Variants in SHISA9 observed in about 807,000 individuals in gnomAD.
SHISA9 encodes shisa family member 9, also known as protein shisa-9.
A neutral mutation model predicts 38.0 loss-of-function variants in SHISA9; 13 were observed. That is an observed-to-expected ratio of 0.34 (90% confidence interval 0.22 to 0.54). The LOEUF (loss-of-function observed/expected upper bound fraction) is 0.54, where lower values mean the gene tolerates loss of function less well. SHISA9 is among the 20% of genes least tolerant of loss of function. The pLI, the probability that SHISA9 is intolerant of heterozygous loss-of-function variation, is 0.91. For missense variants in SHISA9, 538 were observed against 575.8 expected, an observed-to-expected ratio of 0.93 and a Z score of 0.67; for synonymous variants, 275 against 242.0, an observed-to-expected ratio of 1.14 and a Z score of -1.27.
chr16:12,943,757 C>T (rs1221199420), intron 2 of SHISA9, among the ~76,000 whole-genome samples: 1 of 152,070 alleles, frequency 6.6e-6, no homozygotes, highest in South Asian at 2.1e-4. Flanking sequence ...TTAGAAAACA[C>T]CCTGCCTCCA....
At chr16:13,002,533 C>CT (rs35810010) in intron 2 of SHISA9, among the ~76,000 whole-genome samples, 23,378 of 125,594 alleles carry the variant, frequency 0.19, 2,676 homozygotes, top group Middle Eastern at 0.25. Flanking sequence ...TGGTTCCTGT[C>CT]TTTTTTTTTT....
the SHISA9 span, among the ~76,000 whole-genome samples, chr16:13,304,434 A>G: frequency 6.6e-6 from 1 of 151,914 alleles, no homozygotes; most frequent in South Asian, 2.1e-4. Context: ...TAATTTTTGT[A>G]TTTTTTGTAG....
chr16:13,308,644 A>T, the SHISA9 span, among the ~76,000 whole-genome samples: 2 of 152,068 alleles, frequency 1.3e-5, no homozygotes, highest in Non-Finnish European at 2.9e-5. Context: ...ATGATGGGGG[A>T]CAAGGTGTGT....
At chr16:13,167,351 C>T (rs1347395983) in intron 2 of SHISA9, among the ~76,000 whole-genome samples, 1 of 152,140 alleles carries the variant, frequency 6.6e-6, no homozygotes, top group Admixed American at 6.5e-5. Context: ...GGATCACAGG[C>T]GTGAGCCAGT....
At chr16:13,278,717 T>A in the SHISA9 span, among the ~76,000 whole-genome samples, 2 of 152,104 alleles carry the variant, frequency 1.3e-5, no homozygotes, top group Non-Finnish European at 2.9e-5. Context: ...GTGTTCATAG[T>A]AGCTGCAAAT....
chr16:13,152,526 G>C (rs1003208654), intron 2 of SHISA9, among the ~76,000 whole-genome samples: 7 of 152,226 alleles, frequency 4.6e-5, no homozygotes, highest in African/African-American at 1.7e-4. Context: ...GGAAGTTTCA[G>C]AGTTCTGGAA....
the SHISA9 span, among the ~76,000 whole-genome samples, chr16:13,506,222 C>T: frequency 2.6e-5 from 4 of 152,068 alleles, no homozygotes; most frequent in African/African-American, 7.2e-5. Flanking sequence ...ATTCCTTCAC[C>T]CAGGCATTTA....
chr16:13,541,616 ATGAAATATCTGATTCTAAATAC>A, the SHISA9 span, among the ~76,000 whole-genome samples: 1 of 152,234 alleles, frequency 6.6e-6, no homozygotes, highest in Non-Finnish European at 1.5e-5. Context: ...GTTAAAACTC[ATGAAATATCTGATTCTAAATAC>A]TGCGTTGTTT....
At chr16:12,940,109 T>G (rs1354586316) in intron 2 of SHISA9, among the ~76,000 whole-genome samples, 1 of 152,166 alleles carries the variant, frequency 6.6e-6, no homozygotes, top group Non-Finnish European at 1.5e-5. Context: ...GAGGAGAGAA[T>G]TTTTGATTGG....
At chr16:13,300,116 G>A in the SHISA9 span, among the ~76,000 whole-genome samples, 1 of 152,084 alleles carries the variant, frequency 6.6e-6, no homozygotes. Flanking sequence ...CCAAGCAAAA[G>A]AAAGAATGAG....
chr16:12,907,896 C>T (rs2071124167), intron 1 of SHISA9, among the ~76,000 whole-genome samples: 1 of 152,168 alleles, frequency 6.6e-6, no homozygotes. Flanking sequence ...TCTCAGTCAC[C>T]ACCTCCACCC....
the SHISA9 span, among the ~76,000 whole-genome samples, chr16:13,556,562 C>T: frequency 2.0e-5 from 3 of 152,018 alleles, no homozygotes; most frequent in Admixed American, 6.5e-5. Context: ...ACTAGGGAGG[C>T]TGAGGCAGGA....
chr16:13,328,719 C>T, the SHISA9 span, among the ~76,000 whole-genome samples: 5 of 152,088 alleles, frequency 3.3e-5, no homozygotes, highest in Admixed American at 1.3e-4. Context: ...GCGATCCACC[C>T]GCCTCAGCTT....
intron 2 of SHISA9, among the ~76,000 whole-genome samples, chr16:13,105,901 T>C (rs2073921618): frequency 6.6e-6 from 1 of 152,158 alleles, no homozygotes; most frequent in African/African-American, 2.4e-5. Context: ...GCACTTGAAG[T>C]CTTCATCATT....
the SHISA9 span, among the ~76,000 whole-genome samples, chr16:13,489,372 G>A: frequency 2.0e-5 from 3 of 152,204 alleles, no homozygotes; most frequent in African/African-American, 4.8e-5. Flanking sequence ...CTTTAGACTT[G>A]TATCTCTGTT....
At chr16:13,111,676 G>A (rs1025303044) in intron 2 of SHISA9, among the ~76,000 whole-genome samples, 1 of 152,116 alleles carries the variant, frequency 6.6e-6, no homozygotes, top group East Asian at 1.9e-4. Context: ...ATTTAACCAG[G>A]TGGATGAAAT....
At chr16:13,267,877 T>TG in the SHISA9 span, among the ~76,000 whole-genome samples, 1 of 94,536 alleles carries the variant, frequency 1.1e-5, no homozygotes, top group East Asian at 2.1e-4. Flanking sequence ...TTTCTCAGGT[T>TG]TTTTTTTTTT....
chr16:13,441,719 A>G, the SHISA9 span, among the ~76,000 whole-genome samples: 1 of 152,138 alleles, frequency 6.6e-6, no homozygotes, highest in Non-Finnish European at 1.5e-5. Flanking sequence ...TGTCTCATTC[A>G]CTGGCTCTGG....
downstream of SHISA9, among the ~76,000 whole-genome samples, chr16:13,241,212 T>C (rs2051432656): frequency 6.6e-6 from 1 of 152,176 alleles, no homozygotes; most frequent in Admixed American, 6.5e-5. Context: ...AGGACTTTCA[T>C]GGTGTCAAGA....
Sources: gnomAD v4.1 joint callset for allele counts (sites outside exome capture counted in the v4.1 genomes callset) on GRCh38, gnomAD v4.1.1 for gene constraint, MANE v1.5 for transcripts, NCBI Gene and HGNC (gene_info 2026-07-23, HGNC 2026-07-21) for gene names.